MICU3: variants seen among roughly 807,000 people sequenced by gnomAD.
MICU3 encodes the protein calcium uptake protein 3, mitochondrial.
MICU3 carries 62 observed loss-of-function variants against 66.5 expected under a neutral mutation model. The observed-to-expected ratio is 0.93, with a 90% CI of 0.76 to 1.15. The LOEUF is 1.15. MICU3 is among the 50% of genes most tolerant of loss of function. MICU3 has a pLI of 0.00. For missense variants in MICU3, 779 were observed against 664.4 expected (o/e 1.17, Z -1.90); for synonymous variants, 308 against 240.7 (o/e 1.28, Z -2.59).
chr8:17,095,120 A>G (rs1014839519), intron 8 of MICU3, among the ~76,000 whole-genome samples: 2 of 151,902 alleles, frequency 1.3e-5, no homozygotes, highest in Non-Finnish European at 2.9e-5. Flanking sequence ...ATATTTTTCA[A>G]AGTTGTCAAA....
At chr8:17,028,616 C>T (rs1300511699) in intron 1 of MICU3, among the ~76,000 whole-genome samples, 4 of 152,162 alleles carry the variant, frequency 2.6e-5, no homozygotes, top group African/African-American at 4.8e-5. Context: ...GTTCTTAATA[C>T]GCAGTGGTGA....
At chr8:17,094,547 G>C (rs3850764) in intron 8 of MICU3, among the ~76,000 whole-genome samples, 1 of 151,774 alleles carries the variant, frequency 6.6e-6, no homozygotes, top group Non-Finnish European at 1.5e-5. Flanking sequence ...CTGGTTTCTC[G>C]TAGCTGTTTT....
chr8:17,115,186 C>T (rs1168691142), intron 12 of MICU3, among the ~76,000 whole-genome samples: 1 of 151,708 alleles, frequency 6.6e-6, no homozygotes, highest in Non-Finnish European at 1.5e-5. Flanking sequence ...AACTGCAGTC[C>T]CTAAGTGCTG....
At chr8:17,080,686 G>A (rs1310293912) in intron 4 of MICU3, among the ~76,000 whole-genome samples, 1 of 152,100 alleles carries the variant, frequency 6.6e-6, no homozygotes, top group Non-Finnish European at 1.5e-5. Context: ...CAATATTCTA[G>A]TATAAACAAA....
At chr8:17,125,362 G>T (rs1236977406), downstream of MICU3, among the ~76,000 whole-genome samples, 2 of 150,750 alleles carry the variant, frequency 1.3e-5, no homozygotes, top group African/African-American at 4.9e-5. Flanking sequence ...GTTTTCTTGT[G>T]CTCCCTTCAT....
intron 3 of MICU3, among the ~76,000 whole-genome samples, chr8:17,075,985 A>G (rs1417623398): frequency 1.3e-5 from 2 of 152,158 alleles, no homozygotes; most frequent in African/African-American, 4.8e-5. Flanking sequence ...GAGATGGTAT[A>G]AATTAAGCTA....
At chr8:17,039,638 C>A (rs1279840175) in intron 1 of MICU3, among the ~76,000 whole-genome samples, 1 of 152,050 alleles carries the variant, frequency 6.6e-6, no homozygotes, top group African/African-American at 2.4e-5. Context: ...TAATTTGGGG[C>A]TGGACTATTT....
In MICU3 at chr8:17,043,604, T is replaced by G. The variant is rs533519302; in HGVS notation, c.381+15944T>G. ...ACTCAATCTTTGCTGTCACATGACC[T>G]CCTCCAGACTGCTTTCTATCCAAAT... On this transcript the variant is annotated intron_variant, in intron 1 of 14. Transcript: ENST00000318063. Among the ~76,000 whole-genome samples the G allele has an allele frequency of 5.3e-5, 8 of 152,340 alleles. No homozygotes were observed. The East Asian group carries it at 1.4e-3, about 26-fold the overall frequency.
At chr8:17,048,183 TTAC>T (rs1220943208) in intron 1 of MICU3, among the ~76,000 whole-genome samples, 1 of 152,162 alleles carries the variant, frequency 6.6e-6, no homozygotes, top group Non-Finnish European at 1.5e-5. Flanking sequence ...ATGGAAAATA[TTAC>T]TACATTTCAC....
At position 17,048,698 on chromosome 8, in the gene MICU3, C is replaced by T. The variant is rs375348014; in HGVS notation, c.382-15386C>T. Among the ~76,000 whole-genome samples, 11 of 152,158 alleles carry T rather than the reference C, an allele frequency of 7.2e-5. 1 individual carries two copies. In the East Asian group the frequency reaches 1.2e-3, roughly 16 times the overall value. ...TGGTGTGATCACCCCTCACTGCAGCCCCAACCTCCTGGGCTCAAGATATCC... is the reference window on the plus strand; with the variant it reads ...TGGTGTGATCACCCCTCACTGCAGCTCCAACCTCCTGGGCTCAAGATATCC... On this transcript the variant is annotated intron_variant, in intron 1 of 14. Coordinates refer to ENST00000318063, the MANE Select transcript of MICU3 (RefSeq NM_181723.3).
At chr8:17,137,705 CTTTTTTT>C in the MICU3 span, among the ~76,000 whole-genome samples, 4 of 102,882 alleles carry the variant, frequency 3.9e-5, no homozygotes, top group Admixed American at 1.1e-4. Context: ...TTTTCTTTTC[CTTTTTTT>C]TTTTTTTTTT....
chr8:17,108,713 C>A (rs1801947816), intron 11 of MICU3, among the ~76,000 whole-genome samples: 1 of 152,316 alleles, frequency 6.6e-6, no homozygotes, highest in African/African-American at 2.4e-5. Flanking sequence ...CCTTCTGCTT[C>A]CAGCTTTGCC....
intron 9 of MICU3, among the ~76,000 whole-genome samples, chr8:17,103,970 G>C (rs985305358): frequency 6.6e-6 from 1 of 151,760 alleles, no homozygotes; most frequent in African/African-American, 2.4e-5. Context: ...TATCTGAAGA[G>C]GTTACCTCTT....
At chr8:17,064,355 T>C in intron 2 of MICU3, 118 bp downstream of exon 2, 1 of 694,882 alleles carries the variant, frequency 1.4e-6, no homozygotes, top group Non-Finnish European at 2.3e-6. Flanking sequence ...TTTCACATGA[T>C]ATTGTGCTAT....
At chr8:17,131,446 C>A in the MICU3 span, 33,543 of 152,172 alleles carry the variant, frequency 0.22, 3,841 homozygotes, top group South Asian at 0.38. Flanking sequence ...GAGTGAACTC[C>A]CTGAGTGTCA....
intron 8 of MICU3, among the ~76,000 whole-genome samples, chr8:17,095,427 G>A (rs1448509777): frequency 6.6e-6 from 1 of 151,824 alleles, no homozygotes; most frequent in African/African-American, 2.4e-5. Flanking sequence ...ACAGTTTTTA[G>A]GGCCATGGTT....
At chr8:17,073,270 A>G (rs1404513529) in intron 3 of MICU3, among the ~76,000 whole-genome samples, 1 of 152,162 alleles carries the variant, frequency 6.6e-6, no homozygotes, top group Non-Finnish European at 1.5e-5. Context: ...GTCTGTATTT[A>G]CAGCCACTCT....
At chr8:17,099,494 A>G (rs1452668487) in intron 9 of MICU3, among the ~76,000 whole-genome samples, 2 of 151,810 alleles carry the variant, frequency 1.3e-5, no homozygotes, top group Non-Finnish European at 1.5e-5. Context: ...CAAACACTTG[A>G]AAATGTTAAT....
At chr8:17,098,653 T>TA in intron 9 of MICU3, 100 bp downstream of exon 9, 1 of 787,934 alleles carries the variant, frequency 1.3e-6, no homozygotes, top group Non-Finnish European at 2.2e-6. Context: ...ACATGTATGT[T>TA]ACATTTTCCA....
Sources: gnomAD v4.1 joint callset for allele counts (sites outside exome capture counted in the v4.1 genomes callset) on GRCh38, gnomAD v4.1.1 for gene constraint, MANE v1.5 for transcripts, NCBI Gene and HGNC (gene_info 2026-07-23, HGNC 2026-07-21) for gene names.